Variants in CEP57 observed in about 807,000 individuals in gnomAD.
CEP57 encodes centrosomal protein of 57 kDa.
In CEP57, 40 loss-of-function variants were observed where a neutral mutation model predicts 68.0. That is an observed-to-expected ratio of 0.59 (90% CI 0.46 to 0.77). CEP57 has a LOEUF of 0.77. Ranked by LOEUF, CEP57 falls within the 30% of genes least tolerant of loss-of-function variation. CEP57 has a pLI of 0.00. For synonymous variants in CEP57, 219 were observed against 198.7 expected (o/e 1.10, Z -0.86); for missense variants, 606 against 580.7 (o/e 1.04, Z -0.45).
chr11:95,828,459 G>T (rs1051606582), intron 9 of CEP57, among the ~76,000 whole-genome samples: 1 of 146,814 alleles, frequency 6.8e-6, no homozygotes, highest in African/African-American at 2.4e-5. Flanking sequence ...TAACACAATG[G>T]TAAGTATTTG....
chr11:95,823,490 C>T (rs1403887631), intron 8 of CEP57, among the ~76,000 whole-genome samples: 1 of 151,908 alleles, frequency 6.6e-6, no homozygotes. Flanking sequence ...GTCATAGATG[C>T]ATAAAATTGA....
chr11:95,794,108 A>G (rs1861226215), intron 1 of CEP57: 1 of 343,430 alleles, frequency 2.9e-6, no homozygotes, highest in Non-Finnish European at 5.8e-6. Flanking sequence ...ATCTGCAGAA[A>G]TGTAAAATAG....
At chr11:95,826,636 A>G (rs780477511) in intron 8 of CEP57, 17 of 152,226 alleles carry the variant, frequency 1.1e-4, no homozygotes, top group Non-Finnish European at 2.5e-4. Flanking sequence ...TTTTGACTAC[A>G]TGGGTGGTCG....
intron 2 of CEP57, among the ~76,000 whole-genome samples, chr11:95,807,740 T>C (rs1565317680): frequency 6.6e-6 from 1 of 152,224 alleles, no homozygotes; most frequent in Admixed American, 6.5e-5. Flanking sequence ...AGTCTGCCTC[T>C]GATTGGTGTA....
At position 95,813,457 on chromosome 11, in the gene CEP57, A is replaced by G. The variant is rs549865234; in HGVS notation, c.383-11A>G. The G allele has an allele frequency of 1.2e-6, 2 of 1,610,170 alleles. 1 individual carries two copies. The highest frequency in any genetic ancestry group is 2.2e-5 in the South Asian group (2 of 90,834). On this transcript the variant is annotated splice_polypyrimidine_tract_variant and intron_variant, in intron 3 of 10. Transcript: ENST00000325542. ...GAGTTGATTTCTGCTTTTCTTATGT[A>G]TTCTTTTTAGAACTGACATCTCAGT... is the stretch of plus-strand genomic sequence containing the variant.
At chr11:95,793,865 G>T (rs542323896) in intron 1 of CEP57, among the ~76,000 whole-genome samples, 2 of 152,042 alleles carry the variant, frequency 1.3e-5, no homozygotes, top group Non-Finnish European at 2.9e-5. Context: ...TGTATTCATT[G>T]TTATATGCTG....
intron 2 of CEP57, among the ~76,000 whole-genome samples, chr11:95,807,444 C>T (rs1439715806): frequency 1.3e-5 from 2 of 152,050 alleles, no homozygotes; most frequent in Non-Finnish European, 2.9e-5. Flanking sequence ...ATATTTGAAC[C>T]CATTGCAAAG....
chr11:95,794,091 T>G, intron 1 of CEP57: 1 of 333,404 alleles, frequency 3.0e-6, no homozygotes. Flanking sequence ...AAGCAAACAT[T>G]AAAGAGATCT....
chr11:95,805,727 A>G (rs1021977451), intron 2 of CEP57, among the ~76,000 whole-genome samples: 2 of 152,188 alleles, frequency 1.3e-5, no homozygotes, highest in African/African-American at 4.8e-5. Flanking sequence ...AATTTTAGTA[A>G]TTGAAATACT....
At chr11:95,813,739 T>G (rs1222535583) in intron 4 of CEP57, 150 bp downstream of exon 4, 12 of 835,746 alleles carry the variant, frequency 1.4e-5, no homozygotes, top group Non-Finnish European at 2.3e-5. Context: ...TCTAAATATG[T>G]GATTGGCTTT....
chr11:95,823,893 A>G (rs1862620692), intron 8 of CEP57, among the ~76,000 whole-genome samples: 1 of 152,138 alleles, frequency 6.6e-6, no homozygotes, highest in Non-Finnish European at 1.5e-5. Flanking sequence ...AATAATTTGA[A>G]TAATATCATG....
intron 7 of CEP57, 68 bp downstream of exon 7, chr11:95,822,046 A>T (rs1308686759): frequency 3.9e-6 from 4 of 1,025,808 alleles, no homozygotes; most frequent in Non-Finnish European, 6.1e-6. Flanking sequence ...AAACACCCAT[A>T]AACTGTGTGG....
intron 9 of CEP57, among the ~76,000 whole-genome samples, chr11:95,828,554 C>T (rs1331516023): frequency 1.3e-5 from 2 of 152,172 alleles, no homozygotes; most frequent in Non-Finnish European, 2.9e-5. Flanking sequence ...TTGTTTACTA[C>T]ATCATCATCT....
upstream of CEP57, chr11:95,790,490 G>A (rs1591035755): frequency 1.2e-5 from 7 of 608,342 alleles, no homozygotes; most frequent in South Asian, 9.9e-5. Context: ...CCGTTAGGAC[G>A]TGTTGCCCTT....
At chr11:95,805,956 T>C (rs972879935) in intron 2 of CEP57, among the ~76,000 whole-genome samples, 1 of 152,164 alleles carries the variant, frequency 6.6e-6, no homozygotes, top group Non-Finnish European at 1.5e-5. Context: ...TAAATATAAT[T>C]TTAAAAATAC....
intron 4 of CEP57, among the ~76,000 whole-genome samples, chr11:95,815,480 CTTTA>C (rs1362869595): frequency 6.6e-6 from 1 of 151,562 alleles, no homozygotes; most frequent in East Asian, 1.9e-4. Flanking sequence ...GTTTGTTTGG[CTTTA>C]TTTATTGATT....
intron 2 of CEP57, among the ~76,000 whole-genome samples, chr11:95,812,632 C>G (rs1862117987): frequency 6.6e-6 from 1 of 151,924 alleles, no homozygotes; most frequent in South Asian, 2.1e-4. Flanking sequence ...TTAGTAGTGA[C>G]AGGGTTTCAC....
intron 2 of CEP57, among the ~76,000 whole-genome samples, chr11:95,809,895 A>T (rs1184458748): frequency 3.9e-5 from 6 of 152,290 alleles, no homozygotes; most frequent in African/African-American, 1.4e-4. Flanking sequence ...GAGACACAAC[A>T]GAAAAAGAGA....
At chr11:95,792,743 A>G (rs960563047) in intron 1 of CEP57, among the ~76,000 whole-genome samples, 4 of 152,216 alleles carry the variant, frequency 2.6e-5, no homozygotes, top group Non-Finnish European at 4.4e-5. Flanking sequence ...TGCTACATCA[A>G]AATGTCTATT....
Sources: allele counts gnomAD v4.1 joint callset (sites outside exome capture counted in the v4.1 genomes callset), GRCh38; gene constraint gnomAD v4.1.1; transcripts MANE v1.5; gene names NCBI Gene and HGNC (gene_info 2026-07-23, HGNC 2026-07-21).